PEG3: variants seen among roughly 807,000 people sequenced by gnomAD.
PEG3 encodes the protein paternally-expressed gene 3 protein.
In PEG3, 23 loss-of-function variants were observed where a neutral mutation model predicts 35.5. The observed-to-expected ratio is 0.65, with a 90% CI of 0.47 to 0.92. The LOEUF (loss-of-function observed/expected upper bound fraction) is 0.92, where lower values mean the gene tolerates loss of function less well. Ranked by LOEUF, PEG3 falls within the 40% of genes least tolerant of loss-of-function variation. The pLI is 0.00. For missense variants in PEG3, 1,960 were observed against 1,985.3 expected (o/e 0.99, Z 0.24); for synonymous variants, 707 against 697.0 (o/e 1.01, Z -0.23).
Position 56,811,396 on chromosome 19 carries a change from G to T in PEG3, c.*2279C>A. On this transcript the variant is annotated 3_prime_UTR_variant, in exon 10 of 10. Coordinates refer to ENST00000326441, the MANE Select transcript of PEG3 (RefSeq NM_006210.3). ...TAGTATAAATATACTTTCGTGTCCTGCTTTCTCCACTTAATGTTCTGTAAA... is the reference window on the plus strand; with the variant it reads ...TAGTATAAATATACTTTCGTGTCCTTCTTTCTCCACTTAATGTTCTGTAAA... 1 of 873,774 alleles carries T rather than the reference G, an allele frequency of 1.1e-6. No homozygotes were observed. Among genetic ancestry groups the T allele is most frequent in the Non-Finnish European group, 1.4e-6 (1 of 728,078 alleles). The allele number at this position is 873,774 out of a possible 1,614,324, so 54.1% of individuals were successfully genotyped here. A position where few individuals can be genotyped will look rare whatever the true frequency, so the allele number is the denominator to read the frequency against.
rs1378873959 is a variant in PEG3 at position 56,833,082 on chromosome 19, C to T, written c.-163+2936G>A. On this transcript the variant is annotated intron_variant, in intron 2 of 9. Coordinates refer to ENST00000326441, the MANE Select transcript of PEG3 (RefSeq NM_006210.3). ...CAGTGTTCAACTGAGCAGGGAAGAA[C>T]TTAATGAAAGAACACATCATGCACT... 1.0e-5 allele frequency: 5 copies of T among 484,538 alleles called. No individual in the cohort carries two copies. The East Asian group carries it at 2.9e-4, about 28-fold the overall frequency. 30.0% of individuals were successfully genotyped at this position (484,538 alleles called of 1,614,324 possible).
chr19:56,810,300 A>G lies in PEG3; in HGVS notation c.*3375T>C, dbSNP rs1273959988. On this transcript the variant is annotated 3_prime_UTR_variant, in exon 10 of 10. Transcript: ENST00000326441. ...AACACATTTCATATATAATGGAAAT[A>G]TATGTAGTAAAGGTGGACTACCAAA... 3 of 982,308 alleles carry G rather than the reference A, an allele frequency of 3.1e-6. No homozygotes were observed. The highest frequency in any genetic ancestry group is 1.2e-4 in the Admixed American group (2 of 16,282). 60.8% of individuals were successfully genotyped at this position (982,308 alleles called of 1,614,324 possible).
At chr19:56,823,020 G>A (rs1287850809) in intron 5 of PEG3, among the ~76,000 whole-genome samples, 184 bp from the exon 6 acceptor site, 2 of 152,168 alleles carry the variant, frequency 1.3e-5, no homozygotes, top group African/African-American at 2.4e-5. Context: ...CCCGCAACAT[G>A]GTTTCTGCAG....
chr19:56,831,119 C>T (rs1037296743), intron 2 of PEG3, among the ~76,000 whole-genome samples: 4 of 152,000 alleles, frequency 2.6e-5, no homozygotes, highest in Non-Finnish European at 5.9e-5. Context: ...TCAAGACAAC[C>T]CTGCATAAGG....
Position 56,817,583 on chromosome 19 carries a change from G to T in PEG3, c.863-4C>A, listed in dbSNP as rs1219503681. 1 of 1,579,450 alleles carries T rather than the reference G, an allele frequency of 6.3e-7. No homozygotes were observed. The highest frequency in any genetic ancestry group is 1.2e-5 in the South Asian group (1 of 84,914). On this transcript the variant is annotated splice_polypyrimidine_tract_variant and splice_region_variant and intron_variant, in intron 9 of 9. Coordinates refer to ENST00000326441, the MANE Select transcript of PEG3 (RefSeq NM_006210.3). Reference sequence around the variant, plus strand: ...GCTTCAGGCATAGTTTTTAGACCTGGAAAGAAACCCCAAATGTAAATACTC... The same window carrying T: ...GCTTCAGGCATAGTTTTTAGACCTGTAAAGAAACCCCAAATGTAAATACTC...
At chr19:56,837,087 G>C (rs1211012454) in intron 1 of PEG3, among the ~76,000 whole-genome samples, 1 of 151,896 alleles carries the variant, frequency 6.6e-6, no homozygotes, top group Non-Finnish European at 1.5e-5. Context: ...AGATCTCCTT[G>C]GGTGGAGCCA....
chr19:56,820,973 C>T (rs984061049), intron 7 of PEG3, among the ~76,000 whole-genome samples: 1 of 152,204 alleles, frequency 6.6e-6, no homozygotes, highest in Non-Finnish European at 1.5e-5. Flanking sequence ...TAAGTGACCC[C>T]TCTCCTCCTT....
At position 56,836,100 on chromosome 19, in the gene PEG3, C is replaced by G. The variant is rs952279611; in HGVS notation, c.-245G>C. On this transcript the variant is annotated 5_prime_UTR_variant, in exon 2 of 10. Transcript: ENST00000326441. The stretch of plus-strand genomic sequence containing the variant: ...CAAGAAGGACGGAAGATCAAGAAGG[C>G]AAAGCTGTAGAGGAAAAGAAAATGT... The G allele has an allele frequency of 6.2e-6, 3 of 482,826 alleles. No individual in the cohort carries two copies. The highest frequency in any genetic ancestry group is 1.2e-5 in the Non-Finnish European group (3 of 241,426). 29.9% of individuals were successfully genotyped at this position (482,826 alleles called of 1,614,324 possible). A position where few individuals can be genotyped will look rare whatever the true frequency, so the allele number is the denominator to read the frequency against.
chr19:56,818,963 A>G (rs968041234), intron 7 of PEG3, among the ~76,000 whole-genome samples: 3 of 152,212 alleles, frequency 2.0e-5, no homozygotes, highest in African/African-American at 7.2e-5. Flanking sequence ...TGGAGAGAAA[A>G]GACTCATGAA....
intron 1 of PEG3, among the ~76,000 whole-genome samples, 161 bp downstream of exon 1, chr19:56,840,421 G>C (rs1234674525): frequency 1.3e-5 from 2 of 152,182 alleles, no homozygotes; most frequent in Non-Finnish European, 2.9e-5. Context: ...CTGGGCAGCG[G>C]GCGGCCAAGT....
chr19:56,838,867 C>T (rs2062560463), intron 1 of PEG3, among the ~76,000 whole-genome samples: 1 of 152,212 alleles, frequency 6.6e-6, no homozygotes, highest in Non-Finnish European at 1.5e-5. Flanking sequence ...CTGTGGACAA[C>T]CCCACACCTA....
rs76519301 is a variant in PEG3 at position 56,824,242 on chromosome 19, C to G, written c.394+20G>C. ...ACCTGAGGCCTGCACTGACCACCAA[C>G]ACCCCGTGGAGACTCTCACCTTCTG... On this transcript the variant is annotated intron_variant, in intron 4 of 9. Coordinates refer to ENST00000326441, the MANE Select transcript of PEG3 (RefSeq NM_006210.3). 1 of 1,609,252 alleles carries G rather than the reference C, an allele frequency of 6.2e-7. No homozygotes were observed. Among genetic ancestry groups the G allele is most frequent in the East Asian group, 2.2e-5 (1 of 44,774 alleles).
rs2060861229 is a variant in PEG3 at position 56,824,792 on chromosome 19, A to G, written c.-86-51T>C. 4 of 802,868 alleles carry G rather than the reference A, an allele frequency of 5.0e-6. No individual in the cohort carries two copies. In the South Asian group the frequency reaches 5.6e-5, roughly 11 times the overall value. 49.7% of individuals were successfully genotyped at this position (802,868 alleles called of 1,614,324 possible). A position where few individuals can be genotyped will look rare whatever the true frequency, so the allele number is the denominator to read the frequency against. On this transcript the variant is annotated intron_variant, in intron 3 of 9. Transcript: ENST00000326441. Reference sequence around the variant, plus strand: ...ATGTCCCAGAAGTTGAAGACCAGGCAGCAGTGGAGGCCACCTTACCAGAGG... The same window carrying G: ...ATGTCCCAGAAGTTGAAGACCAGGCGGCAGTGGAGGCCACCTTACCAGAGG...
chr19:56,828,920 A>C (rs1229308241), intron 2 of PEG3, among the ~76,000 whole-genome samples: 2 of 152,238 alleles, frequency 1.3e-5, no homozygotes, highest in African/African-American at 4.8e-5. Flanking sequence ...TGCAGGCATG[A>C]ACCACATTTC....
At chr19:56,821,861 G>A (rs911078224) in intron 6 of PEG3, 107 bp from the exon 7 acceptor site, 8 of 1,199,740 alleles carry the variant, frequency 6.7e-6, no homozygotes, top group South Asian at 1.3e-5. Context: ...GTGTATGAGA[G>A]CAAGTGCCTT....
rs1165832238 is a variant in PEG3 at position 56,816,612 on chromosome 19, G to A, written c.1830C>T (p.Pro610=). 1.9e-6 allele frequency: 3 copies of A among 1,613,734 alleles called. No homozygotes were observed. The highest frequency in any genetic ancestry group is 2.2e-5 in the South Asian group (2 of 91,016). The change falls in exon 10 of 10, where the codon CCC becomes CCT. Residue 610 remains proline, a synonymous_variant. Transcript: ENST00000326441. ...TCTGAAACTCATTAAGGGCTGGGCT[G>A]GGCCTAAAGGTTTCCCCGCGCTCAC... is the stretch of plus-strand genomic sequence containing the variant. ...RERERGETFR[P]SPALNEFQKM... is the part of the protein sequence containing the mutation.
chr19:56,823,821 T>G, intron 4 of PEG3, 142 bp from the exon 5 acceptor site: 1 of 989,150 alleles, frequency 1.0e-6, no homozygotes, highest in Non-Finnish European at 1.5e-6. Context: ...TTCAAAACCC[T>G]TCAGCGGCTT....
rs74331223 is a variant in PEG3 at position 56,821,512 on chromosome 19, C to T, written c.669+139G>A. 235 of 1,015,182 alleles carry T rather than the reference C, an allele frequency of 2.3e-4. 2 individuals carry two copies. In the East Asian group the frequency reaches 5.0e-3, roughly 21 times the overall value. The allele number at this position is 1,015,182 out of a possible 1,614,324, so 62.9% of individuals were successfully genotyped here. A position where few individuals can be genotyped will look rare whatever the true frequency, so the allele number is the denominator to read the frequency against. On this transcript the variant is annotated intron_variant, in intron 7 of 9. Transcript: ENST00000326441. Reference sequence around the variant, plus strand: ...CTACTTGTCACCTAAGGGATGGGCCCGGGCTCCTCCTGGAGCGCTGGGACT... The same window carrying T: ...CTACTTGTCACCTAAGGGATGGGCCTGGGCTCCTCCTGGAGCGCTGGGACT...
At chr19:56,827,383 A>G (rs113630870) in intron 2 of PEG3, among the ~76,000 whole-genome samples, 5 of 152,340 alleles carry the variant, frequency 3.3e-5, no homozygotes, top group African/African-American at 1.2e-4. Flanking sequence ...AAGCCATTGA[A>G]AAATGGAAGT....
Sources: gnomAD v4.1 joint callset for allele counts (sites outside exome capture counted in the v4.1 genomes callset) on GRCh38, gnomAD v4.1.1 for gene constraint, MANE v1.5 for transcripts, NCBI Gene and HGNC (gene_info 2026-07-23, HGNC 2026-07-21) for gene names.